CCDC34: variants seen among roughly 807,000 people sequenced by gnomAD.
CCDC34 encodes coiled-coil domain-containing protein 34.
In CCDC34, 40 loss-of-function variants were observed where a neutral mutation model predicts 44.1. The observed-to-expected ratio is 0.91, with a 90% confidence interval of 0.70 to 1.18. The LOEUF is 1.18. Among genes scored for constraint, CCDC34 ranks in the 50% most tolerant of loss-of-function variants. The pLI is 0.00. For missense variants in CCDC34, 466 were observed against 452.3 expected (o/e 1.03, Z -0.28); for synonymous variants, 159 against 158.2 (o/e 1.01, Z -0.04).
At chr11:27,352,273 C>G (rs1862511746) in intron 2 of CCDC34, among the ~76,000 whole-genome samples, 2 of 151,824 alleles carry the variant, frequency 1.3e-5, no homozygotes, top group African/African-American at 4.8e-5. Context: ...ATTCCAGCTA[C>G]TGGGGAGGCT....
Position 27,338,698 on chromosome 11 carries a change from T to C in CCDC34, c.*123A>G. 2.5e-6 allele frequency: 2 copies of C among 814,808 alleles called. No individual in the cohort carries two copies. Among genetic ancestry groups the C allele is most frequent in the Non-Finnish European group, 3.9e-6 (2 of 514,318 alleles). The allele number at this position is 814,808 out of a possible 1,614,324, so 50.5% of individuals were successfully genotyped here. On this transcript the variant is annotated 3_prime_UTR_variant, in exon 6 of 6. Coordinates refer to ENST00000328697, the MANE Select transcript of CCDC34 (RefSeq NM_030771.2). ...CAACTCTAAGGACTCCATATACAAA[T>C]GCAAAAATTGCTATTTGTCAATAAT... is the stretch of plus-strand genomic sequence containing the variant.
At chr11:27,361,826 T>G (rs920768499) in intron 1 of CCDC34, among the ~76,000 whole-genome samples, 2 of 152,342 alleles carry the variant, frequency 1.3e-5, no homozygotes, top group African/African-American at 4.8e-5. Context: ...GCTCCTGTAC[T>G]GTGCCTTACA....
At position 27,359,827 on chromosome 11, in the gene CCDC34, G is replaced by A. The variant is rs555989582; in HGVS notation, c.360-2286C>T. 3.1e-4 allele frequency among the ~76,000 whole-genome samples: 47 copies of A among 152,236 alleles called. No individual in the cohort carries two copies. In the South Asian group the frequency reaches 9.1e-3, roughly 30 times the overall value. ...AAGTACTTAGTAAGTCATTTATGAC[G>A]AACTCCTACTGTCCCTTCAAAATTC... is the stretch of plus-strand genomic sequence containing the variant. On this transcript the variant is annotated intron_variant, in intron 1 of 5. Transcript: ENST00000328697.
chr11:27,358,762 G>A (rs1862615258), intron 1 of CCDC34, among the ~76,000 whole-genome samples: 1 of 151,934 alleles, frequency 6.6e-6, no homozygotes, highest in South Asian at 2.1e-4. Context: ...CCAACTATGT[G>A]ATACATAACT....
intron 5 of CCDC34, 40 bp downstream of exon 5, chr11:27,340,656 C>T (rs1284283923): frequency 1.9e-6 from 3 of 1,548,518 alleles, no homozygotes; most frequent in Non-Finnish European, 1.7e-6. Flanking sequence ...TTTGCTTCTG[C>T]AAACCATATT....
chr11:27,347,564 A>G (rs1349567699), intron 3 of CCDC34, among the ~76,000 whole-genome samples: 6 of 152,204 alleles, frequency 3.9e-5, no homozygotes, highest in African/African-American at 1.2e-4. Context: ...ATAGTCAGCA[A>G]TAAAAAGGAA....
rs1862493378 is a variant in CCDC34 at position 27,350,549 on chromosome 11, T to C, written c.499-110A>G. 4 of 987,718 alleles carry C rather than the reference T, an allele frequency of 4.0e-6. No individual in the cohort carries two copies. In the East Asian group the frequency reaches 7.9e-5, roughly 20 times the overall value. 61.2% of individuals were successfully genotyped at this position (987,718 alleles called of 1,614,324 possible). Reference sequence around the variant, plus strand: ...AATTAAACAAGAATATAGTTTCCTTTATGGAGCATATGCCACTAGTGGCAA... The same window carrying C: ...AATTAAACAAGAATATAGTTTCCTTCATGGAGCATATGCCACTAGTGGCAA... On this transcript the variant is annotated intron_variant, in intron 2 of 5. Coordinates refer to ENST00000328697, the MANE Select transcript of CCDC34 (RefSeq NM_030771.2).
chr11:27,340,916 T>C (rs902560138), intron 4 of CCDC34, 79 bp from the exon 5 acceptor site: 3 of 1,382,804 alleles, frequency 2.2e-6, no homozygotes, highest in African/African-American at 1.4e-5. Context: ...GATTTTTTTT[T>C]CTCCAGTAGC....
At chr11:27,356,036 T>TTTTTTTA (rs1862571049) in intron 2 of CCDC34, among the ~76,000 whole-genome samples, 2 of 140,496 alleles carry the variant, frequency 1.4e-5, no homozygotes, top group East Asian at 2.1e-4. Context: ...TTTTTTTTTT[T>TTTTTTTA]AGACAGAGTT....
intron 2 of CCDC34, among the ~76,000 whole-genome samples, chr11:27,353,254 T>A (rs937782516): frequency 6.6e-6 from 1 of 151,810 alleles, no homozygotes; most frequent in Non-Finnish European, 1.5e-5. Flanking sequence ...TATCCTGCCC[T>A]ATTCGTTCGT....
At position 27,363,074 on chromosome 11, in the gene CCDC34, G is replaced by A. The variant is rs764611773; in HGVS notation, c.121C>T (p.Arg41Cys). ...CGCACCACCTCCAGCCCCTGCCCAC[G>A]TGCGCCCGTCATAGGGACTGAGCAG... ...DSCSVPMTGA[R>C]GQGLEVVRSP... is the part of the protein sequence containing the mutation. The change falls in exon 1 of 6, where the codon CGT becomes TGT. Residue 41 changes from arginine to cysteine, a missense_variant. Coordinates refer to ENST00000328697, the MANE Select transcript of CCDC34 (RefSeq NM_030771.2). 5 of 1,612,006 alleles carry A rather than the reference G, an allele frequency of 3.1e-6. No individual in the cohort carries two copies. Among genetic ancestry groups the A allele is most frequent in the African/African-American group, 2.7e-5 (2 of 74,890 alleles).
chr11:27,359,873 C>A (rs1415564757), intron 1 of CCDC34, among the ~76,000 whole-genome samples: 3 of 152,162 alleles, frequency 2.0e-5, no homozygotes, highest in Non-Finnish European at 4.4e-5. Flanking sequence ...CTGCCTGGAG[C>A]CACAACTCTT....
intron 1 of CCDC34, among the ~76,000 whole-genome samples, chr11:27,359,165 C>A (rs960846795): frequency 6.6e-6 from 1 of 152,070 alleles, no homozygotes; most frequent in African/African-American, 2.4e-5. Context: ...TATCATGTCA[C>A]TCCTCATCTT....
At chr11:27,353,244 T>C (rs926392003) in intron 2 of CCDC34, among the ~76,000 whole-genome samples, 2 of 151,934 alleles carry the variant, frequency 1.3e-5, no homozygotes, top group Non-Finnish European at 2.9e-5. Context: ...AACAGCTCTA[T>C]ATCCTGCCCT....
rs779808426 is a variant in CCDC34 at position 27,341,427 on chromosome 11, T to C, written c.730A>G (p.Asn244Asp). 2.7e-6 allele frequency: 4 copies of C among 1,465,934 alleles called. No individual in the cohort carries two copies. The African/African-American group carries it at 5.7e-5, about 21-fold the overall frequency. 90.8% of individuals were successfully genotyped at this position (1,465,934 alleles called of 1,614,324 possible). Residue 244 changes from asparagine (N) to aspartate (D), a missense_variant, in exon 4 of 6, where the codon AAT becomes GAT. Transcript: ENST00000328697. ...EKYQEWLKKK[N>D]AEECERKKKE... Reference sequence around the variant, plus strand: ...TTCTTCCTCTCACATTCTTCAGCATTTTTTTTCTTTAACCATTCTTGATAT... The same window carrying C: ...TTCTTCCTCTCACATTCTTCAGCATCTTTTTTCTTTAACCATTCTTGATAT...
At chr11:27,358,968 C>CT (rs1408658953) in intron 1 of CCDC34, among the ~76,000 whole-genome samples, 1 of 70,782 alleles carries the variant, frequency 1.4e-5, no homozygotes, top group Non-Finnish European at 3.2e-5. Context: ...ACCCCCCCCC[C>CT]CCACCGCCAC....
chr11:27,342,332 T>A (rs78793864), intron 3 of CCDC34, among the ~76,000 whole-genome samples: 1 of 140,256 alleles, frequency 7.1e-6, no homozygotes, highest in South Asian at 2.2e-4. Context: ...CACACACACA[T>A]TTATATATAA....
intron 2 of CCDC34, 74 bp downstream of exon 2, chr11:27,357,329 A>T: frequency 7.0e-7 from 1 of 1,432,170 alleles, no homozygotes; most frequent in East Asian, 2.3e-5. Context: ...AATAACATTA[A>T]CATTTTAATT....
At chr11:27,358,526 G>T (rs1862611359) in intron 1 of CCDC34, among the ~76,000 whole-genome samples, 1 of 152,076 alleles carries the variant, frequency 6.6e-6, no homozygotes, top group African/African-American at 2.4e-5. Flanking sequence ...ATTATTTTCT[G>T]CTACTATTAT....
Sources: gnomAD v4.1 joint callset for allele counts (sites outside exome capture counted in the v4.1 genomes callset) on GRCh38, gnomAD v4.1.1 for gene constraint, MANE v1.5 for transcripts, NCBI Gene and HGNC (gene_info 2026-07-23, HGNC 2026-07-21) for gene names.